Variants in CELF4 observed in about 807,000 individuals in gnomAD.
CELF4 encodes the protein CUGBP Elav-like family member 4, also known as CUG-BP- and ETR-3-like factor 4.
Under a neutral mutation model 59.9 loss-of-function variants are expected in CELF4, and 18 were observed. That is an observed-to-expected ratio of 0.30 (90% CI 0.21 to 0.45). The LOEUF (loss-of-function observed/expected upper bound fraction) is 0.45. Ranked by LOEUF, CELF4 falls within the 20% of genes least tolerant of loss-of-function variation. The probability of loss-of-function intolerance (pLI) is 1.00; values close to 1 mark genes in which losing one functional copy is unlikely to be tolerated. For synonymous variants in CELF4, 261 were observed against 267.1 expected, an observed-to-expected ratio of 0.98 and a Z score of 0.22; for missense variants, 456 against 689.0, an observed-to-expected ratio of 0.66 and a Z score of 3.79.
At chr18:37,417,209 C>T (rs1383771253) in intron 2 of CELF4, among the ~76,000 whole-genome samples, 1 of 152,174 alleles carries the variant, frequency 6.6e-6, no homozygotes, top group African/African-American at 2.4e-5. Context: ...GCTCCAAGTG[C>T]AGGAGATAGG....
intron 2 of CELF4, among the ~76,000 whole-genome samples, chr18:37,436,367 T>A (rs1889751379): frequency 6.6e-6 from 1 of 152,194 alleles, no homozygotes; most frequent in Non-Finnish European, 1.5e-5. Flanking sequence ...CGGGGTGCTG[T>A]GCTAAAAGCT....
At chr18:37,402,228 A>AT (rs1418639955) in intron 2 of CELF4, among the ~76,000 whole-genome samples, 1 of 152,214 alleles carries the variant, frequency 6.6e-6, no homozygotes, top group Non-Finnish European at 1.5e-5. Flanking sequence ...AGGTGAATCC[A>AT]TAAGTGTTTG....
At chr18:37,435,003 A>G (rs1288478115) in intron 2 of CELF4, among the ~76,000 whole-genome samples, 1 of 152,088 alleles carries the variant, frequency 6.6e-6, no homozygotes, top group Admixed American at 6.5e-5. Flanking sequence ...GCAAGTCCAC[A>G]GGAGGGGGGG....
intron 3 of CELF4, among the ~76,000 whole-genome samples, chr18:37,317,487 C>T (rs3897638): frequency 0.21 from 32,491 of 152,164 alleles, 3,507 homozygotes; most frequent in Non-Finnish European, 0.22. Context: ...CTGAGACCCC[C>T]AGGTAAGGAG....
At chr18:37,257,630 A>G (rs2154292830) in intron 11 of CELF4, among the ~76,000 whole-genome samples, 1 of 152,180 alleles carries the variant, frequency 6.6e-6, no homozygotes, top group African/African-American at 2.4e-5. Flanking sequence ...ACTCCTTAAC[A>G]TGCGCTTCCT....
intron 3 of CELF4, among the ~76,000 whole-genome samples, chr18:37,296,764 T>C (rs914894264): frequency 1.3e-5 from 2 of 152,150 alleles, no homozygotes; most frequent in African/African-American, 2.4e-5. Context: ...GTGGGCCCCA[T>C]TGACGGTCCA....
chr18:37,325,285 C>T (rs2097267532), intron 2 of CELF4, among the ~76,000 whole-genome samples: 1 of 152,190 alleles, frequency 6.6e-6, no homozygotes, highest in South Asian at 2.1e-4. Flanking sequence ...CTGGAGGAGA[C>T]TCCTTTCCTG....
chr18:37,271,796 GT>G (rs766424150), intron 7 of CELF4, among the ~76,000 whole-genome samples: 5 of 152,220 alleles, frequency 3.3e-5, no homozygotes, highest in Non-Finnish European at 7.3e-5. Context: ...AGCAATAGTA[GT>G]GGTCATGATG....
intron 2 of CELF4, among the ~76,000 whole-genome samples, chr18:37,372,663 AT>A (rs1245371186): frequency 3.9e-5 from 6 of 152,224 alleles, no homozygotes; most frequent in South Asian, 2.1e-4. Flanking sequence ...AATGAAAAAA[AT>A]AACCATATAT....
At chr18:37,405,272 T>A (rs1472976889) in intron 2 of CELF4, among the ~76,000 whole-genome samples, 1 of 152,238 alleles carries the variant, frequency 6.6e-6, no homozygotes, top group Non-Finnish European at 1.5e-5. Flanking sequence ...GTGGGAGGAA[T>A]TTCCTCAGGC....
Position 37,476,619 on chromosome 18 carries a change from G to A in CELF4, c.369+8906C>T, listed in dbSNP as rs542796776. On this transcript the variant is annotated intron_variant, in intron 2 of 12. Transcript: ENST00000420428. ...ATGGCATGTGGCAGCCCACAGTTCC[G>A]GATCCCTGCAGGTCAACAACAAAGA... is the stretch of plus-strand genomic sequence containing the variant. 7.0e-4 allele frequency among the ~76,000 whole-genome samples: 107 copies of A among 152,256 alleles called. 1 individual carries two copies. The highest frequency in any genetic ancestry group is 2.2e-3 in the African/African-American group (91 of 41,538).
chr18:37,513,062 A>G (rs2099946374), intron 1 of CELF4, among the ~76,000 whole-genome samples: 1 of 152,284 alleles, frequency 6.6e-6, no homozygotes, highest in South Asian at 2.1e-4. Flanking sequence ...AAGTGAGAAA[A>G]GTGCCTTCTC....
At chr18:37,355,492 G>T (rs978146234) in intron 2 of CELF4, among the ~76,000 whole-genome samples, 2 of 152,096 alleles carry the variant, frequency 1.3e-5, no homozygotes, top group Non-Finnish European at 2.9e-5. Context: ...GGCCAACATG[G>T]AGAAGCCCTG....
Position 37,541,785 on chromosome 18 carries a change from C to T in CELF4, c.286+23571G>A, listed in dbSNP as rs1394143310. Among the ~76,000 whole-genome samples, 8 of 152,056 alleles carry T rather than the reference C, an allele frequency of 5.3e-5. No individual in the cohort carries two copies. The South Asian group carries it at 6.3e-4, about 12-fold the overall frequency. ...TCTCTCTGCTGGAAGTGCTTTCTCC[C>T]GCCATGTCTGCTTGTTGTTTGGATC... On this transcript the variant is annotated intron_variant, in intron 1 of 12. Transcript: ENST00000420428.
At chr18:37,325,228 C>T (rs955564900) in intron 2 of CELF4, among the ~76,000 whole-genome samples, 1 of 152,126 alleles carries the variant, frequency 6.6e-6, no homozygotes, top group African/African-American at 2.4e-5. Flanking sequence ...TAGGCAGACC[C>T]CACATCCCTA....
intron 3 of CELF4, among the ~76,000 whole-genome samples, chr18:37,317,764 C>T (rs2096918866): frequency 6.6e-6 from 1 of 152,212 alleles, no homozygotes; most frequent in Admixed American, 6.5e-5. Flanking sequence ...CCTCAGCCAG[C>T]AATCCATGTG....
chr18:37,536,525 G>A (rs544041447), intron 1 of CELF4, among the ~76,000 whole-genome samples: 19 of 152,300 alleles, frequency 1.2e-4, no homozygotes, highest in Non-Finnish European at 2.6e-4. Flanking sequence ...TGTGCTGCTC[G>A]CTAGCGCCTT....
intron 1 of CELF4, among the ~76,000 whole-genome samples, chr18:37,526,092 G>T (rs1047596989): frequency 6.6e-6 from 1 of 152,144 alleles, no homozygotes; most frequent in Admixed American, 6.5e-5. Flanking sequence ...AGGTGGGGTG[G>T]AAATTATTGT....
intron 2 of CELF4, among the ~76,000 whole-genome samples, chr18:37,470,921 G>GAGAGAGA (rs2099822144): frequency 1.7e-5 from 1 of 58,638 alleles, no homozygotes; most frequent in South Asian, 6.1e-4. Flanking sequence ...AGAGAGAGAG[G>GAGAGAGA]TGGAGCCTCT....
Sources: allele counts gnomAD v4.1 joint callset (sites outside exome capture counted in the v4.1 genomes callset), GRCh38; gene constraint gnomAD v4.1.1; transcripts MANE v1.5; gene names NCBI Gene and HGNC (gene_info 2026-07-23, HGNC 2026-07-21).